The following BMAL1 variants were observed in gnomAD, a reference collection of about 807,000 sequenced individuals.
BMAL1 encodes the protein basic helix-loop-helix ARNT-like protein 1.
At chr11:13,316,297 C>A in the BMAL1 span, among the ~76,000 whole-genome samples, 10 of 152,152 alleles carry the variant, frequency 6.6e-5, no homozygotes, top group Non-Finnish European at 1.2e-4. Context: ...AGAGAAGCTG[C>A]TTCATGGTGC....
chr11:13,384,771 A>G, the BMAL1 span, among the ~76,000 whole-genome samples: 2 of 152,254 alleles, frequency 1.3e-5, no homozygotes, highest in African/African-American at 4.8e-5. Context: ...GTTTTAGAAA[A>G]TAGTTATTTT....
chr11:13,343,521 C>T, the BMAL1 span, among the ~76,000 whole-genome samples: 2 of 152,214 alleles, frequency 1.3e-5, no homozygotes, highest in African/African-American at 4.8e-5. Flanking sequence ...AGTCGGGCCA[C>T]TTTCCACAGC....
At chr11:13,387,039 T>C in the BMAL1 span, 1 of 293,036 alleles carries the variant, frequency 3.4e-6, no homozygotes, top group African/African-American at 2.2e-5. Context: ...AATTTTTTAA[T>C]CATTGTGCAC....
At chr11:13,287,209 AG>A in the BMAL1 span, among the ~76,000 whole-genome samples, 1 of 152,232 alleles carries the variant, frequency 6.6e-6, no homozygotes, top group Non-Finnish European at 1.5e-5. Context: ...CAAATGACTT[AG>A]GTGCAGAGTG....
chr11:13,312,461 G>A, the BMAL1 span, among the ~76,000 whole-genome samples: 1 of 152,122 alleles, frequency 6.6e-6, no homozygotes, highest in African/African-American at 2.4e-5. Flanking sequence ...TCTATTGAAA[G>A]GGCAGAAGAA....
chr11:13,377,088 T>G, the BMAL1 span, among the ~76,000 whole-genome samples: 1 of 152,306 alleles, frequency 6.6e-6, no homozygotes, highest in East Asian at 1.9e-4. Flanking sequence ...GGCAGGTGTC[T>G]TTCGGCACCA....
At chr11:13,308,551 G>A in the BMAL1 span, among the ~76,000 whole-genome samples, 1,308 of 152,216 alleles carry the variant, frequency 8.6e-3, 14 homozygotes, top group African/African-American at 0.023. Flanking sequence ...TGAGGTGGGC[G>A]GAAAACCAGG....
At chr11:13,359,418 C>CA in the BMAL1 span, among the ~76,000 whole-genome samples, 1 of 152,086 alleles carries the variant, frequency 6.6e-6, no homozygotes, top group Non-Finnish European at 1.5e-5. Context: ...GATCATTACC[C>CA]AAAAATATAA....
chr11:13,374,250 TCTAGA>T, the BMAL1 span: 2 of 1,528,782 alleles, frequency 1.3e-6, no homozygotes, highest in Non-Finnish European at 9.0e-7. Flanking sequence ...TCCCCTTGCT[TCTAGA>T]CTAGTCAACA....
chr11:13,360,740 G>C, the BMAL1 span, among the ~76,000 whole-genome samples: 1 of 152,200 alleles, frequency 6.6e-6, no homozygotes, highest in Non-Finnish European at 1.5e-5. Context: ...TTTAGGAAGG[G>C]ACTGAAACCA....
chr11:13,320,933 T>G, the BMAL1 span, among the ~76,000 whole-genome samples: 1 of 152,174 alleles, frequency 6.6e-6, no homozygotes, highest in Non-Finnish European at 1.5e-5. Flanking sequence ...CAACAGGAGT[T>G]CGACAGAGAA....
At chr11:13,369,526 C>G in the BMAL1 span, 46 of 1,442,516 alleles carry the variant, frequency 3.2e-5, no homozygotes, top group Non-Finnish European at 4.3e-5. Context: ...AACAGTGAGG[C>G]AGGCAAGAAA....
At chr11:13,346,085 C>G in the BMAL1 span, among the ~76,000 whole-genome samples, 1 of 152,222 alleles carries the variant, frequency 6.6e-6, no homozygotes, top group Non-Finnish European at 1.5e-5. Flanking sequence ...TTTATTTCTT[C>G]GTTGTGCTAC....
At chr11:13,277,693 T>A in the BMAL1 span, 1 of 86,942 alleles carries the variant, frequency 1.2e-5, no homozygotes, top group Non-Finnish European at 2.2e-5. Flanking sequence ...CTGCGGCTCC[T>A]CCATTGGTGG....
At chr11:13,325,257 C>T in the BMAL1 span, among the ~76,000 whole-genome samples, 1 of 152,268 alleles carries the variant, frequency 6.6e-6, no homozygotes, top group East Asian at 1.9e-4. Flanking sequence ...CGCAGCCTCC[C>T]CTGTTCCATT....
the BMAL1 span, among the ~76,000 whole-genome samples, chr11:13,325,852 AT>A: frequency 6.6e-6 from 1 of 151,764 alleles, no homozygotes; most frequent in East Asian, 1.9e-4. Flanking sequence ...ATTTTATTGT[AT>A]TTTTTTATTT....
At chr11:13,296,689 T>A in the BMAL1 span, among the ~76,000 whole-genome samples, 1 of 152,232 alleles carries the variant, frequency 6.6e-6, no homozygotes, top group South Asian at 2.1e-4. Flanking sequence ...AAATGTATAC[T>A]TTTTGTTCCA....
chr11:13,367,706 GAAA>G, the BMAL1 span, among the ~76,000 whole-genome samples: 12 of 86,208 alleles, frequency 1.4e-4, no homozygotes, highest in South Asian at 4.1e-4. Context: ...CTCTGTCTCA[GAAA>G]AAAAAAAAAA....
At chr11:13,282,203 C>T in the BMAL1 span, among the ~76,000 whole-genome samples, 1 of 152,202 alleles carries the variant, frequency 6.6e-6, no homozygotes, top group Non-Finnish European at 1.5e-5. Flanking sequence ...AGCCAGATTT[C>T]ACATCCTAAG....
Sources: gnomAD v4.1 joint callset for allele counts (sites outside exome capture counted in the v4.1 genomes callset) on GRCh38, gnomAD v4.1.1 for gene constraint, MANE v1.5 for transcripts, NCBI Gene and HGNC (gene_info 2026-07-23, HGNC 2026-07-21) for gene names.